WDR64: variants seen among roughly 807,000 people sequenced by gnomAD.
WDR64 encodes the protein WD repeat-containing protein 64.
A neutral mutation model predicts 139.3 loss-of-function variants in WDR64; 112 were observed. That is an observed-to-expected ratio of 0.80 (90% CI 0.69 to 0.94). The LOEUF (loss-of-function observed/expected upper bound fraction) is 0.94, where lower values mean the gene tolerates loss of function less well. Ranked by LOEUF, WDR64 falls within the 40% of genes least tolerant of loss-of-function variation. The pLI, the probability that WDR64 is intolerant of heterozygous loss-of-function variation, is 0.00. For synonymous variants in WDR64, 444 were observed against 437.7 expected (o/e 1.01, Z -0.18); for missense variants, 1,206 against 1,293.1 (o/e 0.93, Z 1.03).
At chr1:241,716,849 G>A (rs1466285120) in intron 9 of WDR64, among the ~76,000 whole-genome samples, 1 of 152,168 alleles carries the variant, frequency 6.6e-6, no homozygotes, top group Non-Finnish European at 1.5e-5. Context: ...ACCTCCAAAA[G>A]ATTGGATTTT....
At chr1:241,681,254 A>G (rs1046230636) in intron 6 of WDR64, among the ~76,000 whole-genome samples, 1 of 152,076 alleles carries the variant, frequency 6.6e-6, no homozygotes, top group Non-Finnish European at 1.5e-5. Context: ...ATTTGTAGTC[A>G]TTTATCCCTT....
At chr1:241,683,362 T>C (rs1574004920) in intron 6 of WDR64, 125 bp from the exon 7 acceptor site, 4 of 840,642 alleles carry the variant, frequency 4.8e-6, no homozygotes, top group South Asian at 3.9e-5. Flanking sequence ...TCTCAAATTA[T>C]CTTATAAGAT....
chr1:241,668,999 C>T (rs74461868), intron 2 of WDR64, among the ~76,000 whole-genome samples: 3,773 of 152,140 alleles, frequency 0.025, 164 homozygotes, highest in African/African-American at 0.085. Context: ...GAGGCCTTCT[C>T]AATGTAGGCT....
intron 24 of WDR64, 134 bp downstream of exon 24, chr1:241,788,168 G>T: frequency 1.4e-6 from 1 of 693,510 alleles, no homozygotes; most frequent in Non-Finnish European, 2.2e-6. Flanking sequence ...CCAGTGGAAG[G>T]GAAATGTATG....
At chr1:241,728,856 A>G (rs542545543) in intron 10 of WDR64, among the ~76,000 whole-genome samples, 127 of 150,786 alleles carry the variant, frequency 8.4e-4, no homozygotes, top group Non-Finnish European at 1.5e-3. Flanking sequence ...AGAAATTTAC[A>G]TACTTTGATG....
chr1:241,732,053 A>G (rs548225793), intron 10 of WDR64, among the ~76,000 whole-genome samples: 3 of 152,158 alleles, frequency 2.0e-5, no homozygotes, highest in Non-Finnish European at 4.4e-5. Flanking sequence ...AAATCATGTA[A>G]TCAATTGAGT....
Position 241,787,865 on chromosome 1 carries a change from A to G in WDR64, c.2722A>G (p.Asn908Asp). Reference protein sequence around the residue: ...DGSVRLWHALNGHYCGYFGQR... With the variant: ...DGSVRLWHALDGHYCGYFGQR... ...TTCCCTCAGGCTCTGGCATGCCCTC[A>G]ATGGACATTATTGTGGATATTTTGG... Residue 908 changes from asparagine to aspartate, a missense_variant, in exon 24 of 28, where the codon AAT becomes GAT. Transcript: ENST00000437684. The G allele has an allele frequency of 6.3e-7, 1 of 1,593,254 alleles. No homozygotes were observed. Among genetic ancestry groups the G allele is most frequent in the Non-Finnish European group, 8.5e-7 (1 of 1,173,952 alleles).
At chr1:241,790,474 C>A in intron 24 of WDR64, 117 bp from the exon 25 acceptor site, 2 of 786,064 alleles carry the variant, frequency 2.5e-6, no homozygotes, top group Non-Finnish European at 4.1e-6. Context: ...GTCATTGGGA[C>A]TGATGCCATA....
At chr1:241,785,627 G>C (rs1263881284) in intron 23 of WDR64, among the ~76,000 whole-genome samples, 1 of 152,148 alleles carries the variant, frequency 6.6e-6, no homozygotes, top group Non-Finnish European at 1.5e-5. Context: ...AATCTCCCTA[G>C]ATACTCAGTT....
At chr1:241,706,146 T>C (rs1667944961) in intron 8 of WDR64, among the ~76,000 whole-genome samples, 1 of 152,334 alleles carries the variant, frequency 6.6e-6, no homozygotes, top group East Asian at 1.9e-4. Flanking sequence ...CTAGAATATT[T>C]CCACGGGCCC....
intron 11 of WDR64, among the ~76,000 whole-genome samples, chr1:241,739,399 T>C (rs1315700160): frequency 6.6e-6 from 1 of 152,220 alleles, no homozygotes; most frequent in Non-Finnish European, 1.5e-5. Context: ...AGGTTGGTGC[T>C]ATCTCTGCTG....
chr1:241,739,251 A>G (rs1223484460), intron 11 of WDR64, among the ~76,000 whole-genome samples: 1 of 152,162 alleles, frequency 6.6e-6, no homozygotes, highest in Non-Finnish European at 1.5e-5. Context: ...TTATATGCAT[A>G]CCTTTAGGCT....
Position 241,723,454 on chromosome 1 carries a change from A to G in WDR64, c.1194+18A>G. The G allele has an allele frequency of 6.2e-7, 1 of 1,611,062 alleles. No individual in the cohort carries two copies. Among genetic ancestry groups the G allele is most frequent in the Non-Finnish European group, 8.5e-7 (1 of 1,178,484 alleles). On this transcript the variant is annotated intron_variant, in intron 10 of 27. Coordinates refer to ENST00000437684, the MANE Select transcript of WDR64 (RefSeq NM_001367482.1). The stretch of plus-strand genomic sequence containing the variant: ...CTGCAAAGGTAACAAAAAGAAAATA[A>G]CAAAACAAAACTAGTTTTTTCCGGA...
chr1:241,681,621 TC>T (rs1666795403), intron 6 of WDR64, among the ~76,000 whole-genome samples: 1 of 152,178 alleles, frequency 6.6e-6, no homozygotes, highest in African/African-American at 2.4e-5. Flanking sequence ...GGAGTTCTTT[TC>T]CTCTGGGTAG....
At chr1:241,749,957 G>T (rs984759699) in intron 14 of WDR64, among the ~76,000 whole-genome samples, 1 of 152,154 alleles carries the variant, frequency 6.6e-6, no homozygotes, top group Admixed American at 6.5e-5. Flanking sequence ...TGAAGGGTTA[G>T]TCAGGGTCTC....
chr1:241,796,415 C>G (rs754318596), intron 27 of WDR64, 45 bp downstream of exon 27: 2 of 1,265,414 alleles, frequency 1.6e-6, no homozygotes, highest in Non-Finnish European at 2.3e-6. Context: ...TTCAGTGTAT[C>G]CTATTTCTGT....
chr1:241,747,381 T>G (rs540486481), intron 13 of WDR64, among the ~76,000 whole-genome samples: 1 of 152,328 alleles, frequency 6.6e-6, no homozygotes, highest in Admixed American at 6.5e-5. Context: ...GATTATACCG[T>G]AGTCACATGG....
At chr1:241,736,606 G>C (rs1437553525) in intron 10 of WDR64, among the ~76,000 whole-genome samples, 1 of 152,094 alleles carries the variant, frequency 6.6e-6, no homozygotes, top group Middle Eastern at 3.2e-3. Context: ...AAACCCTAGA[G>C]GGTAGGAGCA....
Position 241,671,063 on chromosome 1 carries a change from T to C in WDR64, c.277-11T>C. On this transcript the variant is annotated splice_polypyrimidine_tract_variant and intron_variant, in intron 2 of 27. Transcript: ENST00000437684. ...ATGCTGCATATTTATATGTGCTGTT[T>C]GGGATTTCAGATCTTTGGATACTTC... The C allele has an allele frequency of 6.6e-7, 1 of 1,526,144 alleles. No individual in the cohort carries two copies. The highest frequency in any genetic ancestry group is 1.4e-5 in the African/African-American group (1 of 72,158). The allele number at this position is 1,526,144 out of a possible 1,614,324, so 94.5% of individuals were successfully genotyped here.
Sources: gnomAD v4.1 joint callset for allele counts (sites outside exome capture counted in the v4.1 genomes callset) on GRCh38, gnomAD v4.1.1 for gene constraint, MANE v1.5 for transcripts, NCBI Gene and HGNC (gene_info 2026-07-23, HGNC 2026-07-21) for gene names.